ZNF330: variants seen among roughly 807,000 people sequenced by gnomAD.
ZNF330 encodes nucleolar atypical zinc finger, also known as zinc finger protein 330.
Under a neutral mutation model 45.5 loss-of-function variants are expected in ZNF330, and 31 were observed. That is an observed-to-expected ratio of 0.68 (90% CI 0.51 to 0.92). The LOEUF is 0.92. ZNF330 is among the 40% of genes least tolerant of loss of function. The probability of loss-of-function intolerance (pLI) is 0.00; values close to 1 mark genes in which losing one functional copy is unlikely to be tolerated. For synonymous variants in ZNF330, 138 were observed against 123.2 expected (o/e 1.12, Z -0.79); for missense variants, 356 against 387.4 (o/e 0.92, Z 0.68).
intron 5 of ZNF330, among the ~76,000 whole-genome samples, chr4:141,228,818 C>G (rs78951939): frequency 2.0e-5 from 3 of 151,862 alleles, no homozygotes; most frequent in Middle Eastern, 3.2e-3. Context: ...TAATCCAACT[C>G]GGGACTTGGA....
chr4:141,223,672 CAGAGAAG>C (rs1728737079), intron 2 of ZNF330: 31 of 451,074 alleles, frequency 6.9e-5, no homozygotes, highest in South Asian at 4.7e-4. Flanking sequence ...GAGTCCTTTC[CAGAGAAG>C]AGAGGTTCTG....
chr4:141,222,284 T>C (rs1728697605), intron 1 of ZNF330, 82 bp from the exon 2 acceptor site: 1 of 1,489,868 alleles, frequency 6.7e-7, no homozygotes, highest in Non-Finnish European at 9.0e-7. Context: ...AAAGGACACT[T>C]TGTTATACTA....
intron 4 of ZNF330, 82 bp from the exon 5 acceptor site, chr4:141,226,685 G>A: frequency 9.8e-7 from 1 of 1,017,560 alleles, no homozygotes; most frequent in African/African-American, 1.6e-5. Context: ...TCAGGAACTT[G>A]GGCTGGATAA....
Position 141,234,197 on chromosome 4 carries a change from A to G in ZNF330, c.*208A>G. 1 of 931,500 alleles carries G rather than the reference A, an allele frequency of 1.1e-6. No individual in the cohort carries two copies. 57.7% of individuals were successfully genotyped at this position (931,500 alleles called of 1,614,324 possible). A position where few individuals can be genotyped will look rare whatever the true frequency, so the allele number is the denominator to read the frequency against. On this transcript the variant is annotated 3_prime_UTR_variant, in exon 10 of 10. Transcript: ENST00000262990. ...AAGAAAAATGAGTTTCAAATTTAAG[A>G]TGTTTATTGATCGAAGCAATTGAAG...
At chr4:141,222,574 T>C in intron 2 of ZNF330, 83 bp downstream of exon 2, 1 of 1,449,904 alleles carries the variant, frequency 6.9e-7, no homozygotes, top group South Asian at 1.3e-5. Context: ...AAAATTTTAG[T>C]GAAGACAGTG....
At chr4:141,231,351 A>G (rs1306965626) in intron 7 of ZNF330, 88 bp from the exon 8 acceptor site, 38 of 1,271,484 alleles carry the variant, frequency 3.0e-5, no homozygotes, top group Non-Finnish European at 3.6e-5. Context: ...GCTATATTCC[A>G]TTGCAAGCTT....
rs1728662243 is a variant in ZNF330 at position 141,221,050 on chromosome 4, C to T, written c.-65C>T. On this transcript the variant is annotated 5_prime_UTR_variant, in exon 1 of 10. Coordinates refer to ENST00000262990, the MANE Select transcript of ZNF330 (RefSeq NM_014487.6). Reference sequence around the variant, plus strand: ...CACGCCATTCCCTGTCCCTCGGCCCCCTGAGTGAGTCCGGTCTCCCGGCGA... The same window carrying T: ...CACGCCATTCCCTGTCCCTCGGCCCTCTGAGTGAGTCCGGTCTCCCGGCGA... 6.6e-6 allele frequency: 1 copy of T among 152,302 alleles called. No individual in the cohort carries two copies. Among genetic ancestry groups the T allele is most frequent in the Non-Finnish European group, 1.5e-5 (1 of 68,100 alleles). The allele number at this position is 152,302 out of a possible 1,614,324, so 9.4% of individuals were successfully genotyped here. A position where few individuals can be genotyped will look rare whatever the true frequency, so the allele number is the denominator to read the frequency against.
rs1410494309 is a variant in ZNF330, at chr4:141,234,569, C to T, written c.*580C>T. On this transcript the variant is annotated 3_prime_UTR_variant, in exon 10 of 10. Transcript: ENST00000262990. Reference sequence around the variant, plus strand: ...TCCTCAGTGGTACCTATTATTGATGCCTTAAATGTATTGATAAGGTGACTA... The same window carrying T: ...TCCTCAGTGGTACCTATTATTGATGTCTTAAATGTATTGATAAGGTGACTA... 1 of 152,010 alleles carries T rather than the reference C, an allele frequency of 6.6e-6. No homozygotes were observed. Among genetic ancestry groups the T allele is most frequent in the African/African-American group, 2.4e-5 (1 of 41,366 alleles). 9.4% of individuals were successfully genotyped at this position (152,010 alleles called of 1,614,324 possible).
intron 2 of ZNF330, chr4:141,222,977 A>G (rs1461765136): frequency 6.5e-6 from 1 of 152,964 alleles, no homozygotes; most frequent in Non-Finnish European, 1.5e-5. Context: ...GAAAAAGCAA[A>G]CAATTAGGTC....
intron 5 of ZNF330, among the ~76,000 whole-genome samples, chr4:141,228,133 A>G (rs932005143): frequency 2.0e-4 from 31 of 152,142 alleles, no homozygotes. Flanking sequence ...TCATATGTGC[A>G]TATATTATAG....
chr4:141,234,020 G>T lies in ZNF330; in HGVS notation c.*31G>T. The T allele has an allele frequency of 6.3e-7, 1 of 1,585,182 alleles. No homozygotes were observed. The highest frequency in any genetic ancestry group is 8.6e-7 in the Non-Finnish European group (1 of 1,166,358). ...CTGCTCTGGTGGCCGTGTGTGAGAG[G>T]AGCAGGAGTGAGTGTGTGTGCTTGA... On this transcript the variant is annotated 3_prime_UTR_variant, in exon 10 of 10. Coordinates refer to ENST00000262990, the MANE Select transcript of ZNF330 (RefSeq NM_014487.6).
chr4:141,225,593 T>G (rs916248065), intron 4 of ZNF330, among the ~76,000 whole-genome samples: 5 of 152,042 alleles, frequency 3.3e-5, no homozygotes, highest in African/African-American at 1.2e-4. Context: ...TGTGTTTATA[T>G]GTAATAATAT....
Position 141,229,655 on chromosome 4 carries a change from G to T in ZNF330, c.376G>T (p.Asp126Tyr), listed in dbSNP as rs867838008. Reference sequence around the variant, plus strand: ...ACATGCTTGTGCCTGCCCTCTTACCGATGCTGAGTGTGTTGAATGTGAACG... The same window carrying T: ...ACATGCTTGTGCCTGCCCTCTTACCTATGCTGAGTGTGTTGAATGTGAACG... ...STHACACPLT[D>Y]AECVECERGV... The change falls in exon 6 of 10, where the codon GAT becomes TAT. Residue 126 changes from aspartate to tyrosine, a missense_variant. By Grantham distance (160) the Asp-to-Tyr change is radical (BLOSUM62 -3). Coordinates refer to ENST00000262990, the MANE Select transcript of ZNF330 (RefSeq NM_014487.6). The T allele has an allele frequency of 3.7e-6, 6 of 1,613,146 alleles. No homozygotes were observed. In the South Asian group the frequency reaches 6.6e-5, roughly 18 times the overall value.
At chr4:141,233,347 T>G (rs1729003826) in intron 9 of ZNF330, among the ~76,000 whole-genome samples, 1 of 152,164 alleles carries the variant, frequency 6.6e-6, no homozygotes, top group South Asian at 2.1e-4. Context: ...TTTAAGGGCA[T>G]CTGCATTGTA....
chr4:141,234,549 A>C lies in ZNF330; in HGVS notation c.*560A>C, dbSNP rs1396028635. On this transcript the variant is annotated 3_prime_UTR_variant, in exon 10 of 10. Transcript: ENST00000262990. Reference sequence around the variant, plus strand: ...CTCTTTCTTCACAATGTATGTCCTCAGTGGTACCTATTATTGATGCCTTAA... The same window carrying C: ...CTCTTTCTTCACAATGTATGTCCTCCGTGGTACCTATTATTGATGCCTTAA... 1.3e-5 allele frequency: 2 copies of C among 152,374 alleles called. No homozygotes were observed. The highest frequency in any genetic ancestry group is 2.4e-5 in the African/African-American group (1 of 41,438). 9.4% of individuals were successfully genotyped at this position (152,374 alleles called of 1,614,324 possible). A position where few individuals can be genotyped will look rare whatever the true frequency, so the allele number is the denominator to read the frequency against.
intron 7 of ZNF330, 95 bp from the exon 8 acceptor site, chr4:141,231,344 A>G (rs554946735): frequency 1.9e-5 from 21 of 1,118,814 alleles, no homozygotes; most frequent in East Asian, 2.5e-5. Flanking sequence ...CTATAAGGCT[A>G]TATTCCATTG....
chr4:141,227,280 C>G (rs927886183), intron 5 of ZNF330, among the ~76,000 whole-genome samples: 7 of 151,992 alleles, frequency 4.6e-5, no homozygotes, highest in East Asian at 1.9e-4. Flanking sequence ...ATCCCTCCCC[C>G]ATCCCCCCAC....
chr4:141,226,786 G>A lies in ZNF330; in HGVS notation c.231G>A (p.Met77Ile). The change falls in exon 5 of 10, where the codon ATG (methionine) becomes ATA (isoleucine). Residue 77 changes from methionine (M) to isoleucine (I), a missense_variant. Met to Ile is a conservative substitution (Grantham distance 10, BLOSUM62 1). Coordinates refer to ENST00000262990, the MANE Select transcript of ZNF330 (RefSeq NM_014487.6). ...CAQCGKTKCM[M>I]KSSDCVIKHA... ...CATTAGGGAAAACAAAGTGCATGAT[G>A]AAGTCTTCAGACTGTGTCATAAAGC... 4 of 1,612,850 alleles carry A rather than the reference G, an allele frequency of 2.5e-6. No homozygotes were observed. Among genetic ancestry groups the A allele is most frequent in the Non-Finnish European group, 3.4e-6 (4 of 1,179,242 alleles).
At chr4:141,231,225 C>A (rs988847893) in intron 7 of ZNF330, among the ~76,000 whole-genome samples, 1 of 151,902 alleles carries the variant, frequency 6.6e-6, no homozygotes, top group Non-Finnish European at 1.5e-5. Flanking sequence ...CATTTTTGAG[C>A]CTTTCGTCGC....
Sources: allele counts gnomAD v4.1 joint callset (sites outside exome capture counted in the v4.1 genomes callset), GRCh38; gene constraint gnomAD v4.1.1; transcripts MANE v1.5; gene names NCBI Gene and HGNC (gene_info 2026-07-23, HGNC 2026-07-21).